RSBN1L: variants seen among roughly 807,000 people sequenced by gnomAD.
RSBN1L encodes the protein lysine-specific demethylase RSBN1L.
A neutral mutation model predicts 67.7 loss-of-function variants in RSBN1L; 30 were observed. The ratio of observed to expected loss-of-function variants is 0.44; its 90% CI spans 0.33 to 0.60. The LOEUF (loss-of-function observed/expected upper bound fraction) is 0.60. RSBN1L is among the 20% of genes least tolerant of loss of function. The probability of loss-of-function intolerance (pLI) is 0.02; values close to 1 mark genes in which losing one functional copy is unlikely to be tolerated. For missense variants in RSBN1L, 992 were observed against 1,031.7 expected (o/e 0.96, Z 0.53); for synonymous variants, 433 against 387.0 (o/e 1.12, Z -1.39).
chr7:77,696,701 C>G lies in RSBN1L; in HGVS notation c.232C>G (p.Gln78Glu). 4 of 1,613,356 alleles carry G rather than the reference C, an allele frequency of 2.5e-6. No individual in the cohort carries two copies. The highest frequency in any genetic ancestry group is 3.4e-6 in the Non-Finnish European group (4 of 1,179,740). Residue 78 changes from glutamine to glutamate, a missense_variant, in exon 1 of 8, where the codon CAG (glutamine) becomes GAG (glutamate). Transcript: ENST00000334955. ...QLQPPAAPSPQSYGSPASWSF... is the reference protein window; with the variant it reads ...QLQPPAAPSPESYGSPASWSF... ...GCAGCCGCCGGCAGCACCTTCGCCT[C>G]AGAGCTATGGCAGCCCCGCGTCTTG...
chr7:77,737,632 TTCTA>T lies in RSBN1L; in HGVS notation c.703+1110_703+1113del, dbSNP rs139041185. Among the ~76,000 whole-genome samples the T allele has an allele frequency of 2.2e-3, 332 of 152,326 alleles. 1 individual carries two copies. The East Asian group carries it at 0.027, about 12-fold the overall frequency. ...TTGTTCTGTTTCTTTTGCCTGCATA[TTCTA>T]TCTGTGTTGTCTAATTAGATTGTAA... On this transcript the variant is annotated intron_variant, in intron 2 of 7. Coordinates refer to ENST00000334955, the MANE Select transcript of RSBN1L (RefSeq NM_198467.3).
In RSBN1L at chr7:77,696,738, C is replaced by T. The variant is rs556050068; in HGVS notation, c.269C>T (p.Pro90Leu). The T allele has an allele frequency of 5.0e-6, 8 of 1,613,764 alleles. No individual in the cohort carries two copies. Among genetic ancestry groups the T allele is most frequent in the African/African-American group, 1.3e-5 (1 of 75,064 alleles). The change falls in exon 1 of 8, where the codon CCT becomes CTT. Residue 90 changes from proline (P) to leucine (L), a missense_variant. Around this residue, in one of 7 missense-constraint regions of RSBN1L, gnomAD observed 575 missense variants for 483.2 expected, o/e 1.19. Coordinates refer to ENST00000334955, the MANE Select transcript of RSBN1L (RefSeq NM_198467.3). The stretch of plus-strand genomic sequence containing the variant: ...AGCCCCGCGTCTTGGAGCTTTGCCC[C>T]TCTGTCTGCTGCTCCCTCCCCGTCC... ...YGSPASWSFA[P>L]LSAAPSPSSS...
rs1159472446 is a variant in RSBN1L at position 77,696,589 on chromosome 7, G to T, written c.120G>T (p.Leu40=). 8.7e-6 allele frequency: 14 copies of T among 1,614,006 alleles called. No homozygotes were observed. Among genetic ancestry groups the T allele is most frequent in the Non-Finnish European group, 1.0e-5 (12 of 1,180,008 alleles). Residue 40 remains leucine (L), a synonymous_variant, in exon 1 of 8, where the codon CTG becomes CTT. Transcript: ENST00000334955. The part of the protein sequence containing the change: ...QLSSRDPPGS[L]SAKKVRTEEK... ...CCTCCCGGGACCCTCCGGGTTCTCT[G>T]TCCGCCAAGAAGGTCCGGACTGAGG...
chr7:77,704,533 A>G (rs1352766694), intron 1 of RSBN1L, among the ~76,000 whole-genome samples: 1 of 152,188 alleles, frequency 6.6e-6, no homozygotes, highest in African/African-American at 2.4e-5. Context: ...CCATTATGCT[A>G]CTTCAACAGT....
chr7:77,748,777 G>A (rs926542885), intron 2 of RSBN1L, among the ~76,000 whole-genome samples: 6 of 152,172 alleles, frequency 3.9e-5, no homozygotes, highest in South Asian at 2.1e-4. Context: ...GAGCCACTGC[G>A]CCTGGCCTGA....
At chr7:77,764,955 C>G (rs1042196388) in intron 3 of RSBN1L, among the ~76,000 whole-genome samples, 9 of 152,072 alleles carry the variant, frequency 5.9e-5, no homozygotes, top group African/African-American at 2.2e-4. Flanking sequence ...CTAGTAGTTT[C>G]TCATGAGAGT....
At chr7:77,709,262 T>C (rs919356452) in intron 1 of RSBN1L, among the ~76,000 whole-genome samples, 5 of 151,836 alleles carry the variant, frequency 3.3e-5, no homozygotes, top group Admixed American at 1.3e-4. Context: ...GAACTCTCCT[T>C]ACAGTGGCAG....
rs967196421 is a variant in RSBN1L at position 77,782,080 on chromosome 7, C to T, written c.*2912C>T. Reference sequence around the variant, plus strand: ...TAATGCCTTCAATAATGCTTACGTTCCTTGTCTTATGGGTTATAATTTTCA... The same window carrying T: ...TAATGCCTTCAATAATGCTTACGTTTCTTGTCTTATGGGTTATAATTTTCA... On this transcript the variant is annotated 3_prime_UTR_variant, in exon 8 of 8. Transcript: ENST00000334955. 1 of 151,570 alleles carries T rather than the reference C, an allele frequency of 6.6e-6. No individual in the cohort carries two copies. The highest frequency in any genetic ancestry group is 2.4e-5 in the African/African-American group (1 of 41,214). 9.4% of individuals were successfully genotyped at this position (151,570 alleles called of 1,614,324 possible). A position where few individuals can be genotyped will look rare whatever the true frequency, so the allele number is the denominator to read the frequency against.
chr7:77,742,719 T>C (rs188899411), intron 2 of RSBN1L, among the ~76,000 whole-genome samples: 1 of 152,148 alleles, frequency 6.6e-6, no homozygotes, highest in Admixed American at 6.5e-5. Context: ...TGCCTGTAAT[T>C]CCAGCTACTC....
intron 3 of RSBN1L, among the ~76,000 whole-genome samples, chr7:77,760,488 C>T (rs1296289910): frequency 6.6e-6 from 1 of 152,066 alleles, no homozygotes; most frequent in Non-Finnish European, 1.5e-5. Flanking sequence ...TAAGCTTTTC[C>T]ACAAATACAT....
chr7:77,754,637 A>T (rs940386372), intron 3 of RSBN1L, among the ~76,000 whole-genome samples: 1 of 152,154 alleles, frequency 6.6e-6, no homozygotes, highest in Non-Finnish European at 1.5e-5. Flanking sequence ...TTTATCTTCC[A>T]ACATCCCCCT....
intron 1 of RSBN1L, among the ~76,000 whole-genome samples, chr7:77,733,653 T>C (rs1791297658): frequency 6.6e-6 from 1 of 152,016 alleles, no homozygotes; most frequent in African/African-American, 2.4e-5. Flanking sequence ...TGGCTTTTAA[T>C]AATTTGGGTT....
intron 1 of RSBN1L, among the ~76,000 whole-genome samples, chr7:77,714,433 A>G (rs1392246630): frequency 1.3e-5 from 2 of 152,286 alleles, no homozygotes; most frequent in East Asian, 1.9e-4. Context: ...CTTTTTTAGA[A>G]TGTCATATAA....
intron 2 of RSBN1L, among the ~76,000 whole-genome samples, chr7:77,743,969 T>C (rs1339179982): frequency 6.6e-6 from 1 of 152,162 alleles, no homozygotes; most frequent in Non-Finnish European, 1.5e-5. Flanking sequence ...CAAGTGATCC[T>C]CCTGCCTTGG....
intron 1 of RSBN1L, among the ~76,000 whole-genome samples, chr7:77,707,597 G>A (rs1790912372): frequency 6.6e-6 from 1 of 151,974 alleles, no homozygotes; most frequent in South Asian, 2.1e-4. Flanking sequence ...AGATGTCCTG[G>A]GATAATATTC....
At chr7:77,761,851 T>C (rs1422357469) in intron 3 of RSBN1L, among the ~76,000 whole-genome samples, 2 of 152,208 alleles carry the variant, frequency 1.3e-5, no homozygotes, top group African/African-American at 4.8e-5. Flanking sequence ...ATTAAGATTT[T>C]GATGACTTCA....
At chr7:77,775,634 G>A (rs1791903605) in intron 6 of RSBN1L, among the ~76,000 whole-genome samples, 1 of 151,890 alleles carries the variant, frequency 6.6e-6, no homozygotes, top group Non-Finnish European at 1.5e-5. Context: ...TTTTGTTTTG[G>A]TGTTTTTCAT....
intron 2 of RSBN1L, among the ~76,000 whole-genome samples, chr7:77,740,071 G>C (rs1791389320): frequency 2.0e-5 from 3 of 151,716 alleles, no homozygotes; most frequent in Non-Finnish European, 4.4e-5. Flanking sequence ...TTTTCTGACT[G>C]GAAATACACA....
intron 3 of RSBN1L, among the ~76,000 whole-genome samples, chr7:77,751,098 G>T (rs1562804997): frequency 6.6e-6 from 1 of 152,116 alleles, no homozygotes; most frequent in African/African-American, 2.4e-5. Flanking sequence ...AATAGTATGA[G>T]TATGTTTGGT....
Sources: allele counts gnomAD v4.1 joint callset (sites outside exome capture counted in the v4.1 genomes callset), GRCh38; gene constraint gnomAD v4.1.1; regional missense constraint gnomAD v4.1.1; transcripts MANE v1.5; gene names NCBI Gene and HGNC (gene_info 2026-07-23, HGNC 2026-07-21).